Variants in CLOCK observed in about 807,000 individuals in gnomAD.
The protein encoded by CLOCK is circadian locomoter output cycles protein kaput.
CLOCK carries 43 observed loss-of-function variants against 118.4 expected under a neutral mutation model. That is an observed-to-expected ratio of 0.36 (90% CI 0.28 to 0.47). The LOEUF (loss-of-function observed/expected upper bound fraction) is 0.47, where lower values mean the gene tolerates loss of function less well. CLOCK is among the 20% of genes least tolerant of loss of function. CLOCK has a pLI of 1.00. For synonymous variants in CLOCK, 326 were observed against 339.2 expected (o/e 0.96, Z 0.43); for missense variants, 846 against 999.9 (o/e 0.85, Z 2.08).
At chr4:55,472,458 G>A (rs1012669685) in intron 7 of CLOCK, among the ~76,000 whole-genome samples, 2 of 152,178 alleles carry the variant, frequency 1.3e-5, no homozygotes, top group Non-Finnish European at 2.9e-5. Context: ...AGAAGAAGTA[G>A]AAGATACACA....
intron 9 of CLOCK, among the ~76,000 whole-genome samples, chr4:55,461,205 G>A (rs1007228741): frequency 6.6e-6 from 1 of 152,164 alleles, no homozygotes; most frequent in African/African-American, 2.4e-5. Flanking sequence ...TGAGATTATA[G>A]GCGTGAACAA....
chr4:55,538,250 A>G (rs1053361797), intron 1 of CLOCK, among the ~76,000 whole-genome samples: 2 of 151,970 alleles, frequency 1.3e-5, no homozygotes, highest in African/African-American at 4.9e-5. Flanking sequence ...AGGCATGTGA[A>G]GAGACGGAAC....
chr4:55,487,967 A>C (rs1727406518), intron 3 of CLOCK, among the ~76,000 whole-genome samples: 1 of 152,188 alleles, frequency 6.6e-6, no homozygotes, highest in Non-Finnish European at 1.5e-5. Context: ...AAGAGAAAAT[A>C]AAATTTAATT....
intron 2 of CLOCK, among the ~76,000 whole-genome samples, chr4:55,497,188 A>C (rs948281116): frequency 1.8e-4 from 28 of 152,092 alleles, no homozygotes; most frequent in Non-Finnish European, 3.2e-4. Flanking sequence ...CTAGCAGAGA[A>C]TGTTTCCTTG....
intron 2 of CLOCK, among the ~76,000 whole-genome samples, chr4:55,494,468 C>G (rs912207547): frequency 2.6e-5 from 4 of 151,996 alleles, no homozygotes; most frequent in Admixed American, 6.6e-5. Context: ...GAGGAAAGGA[C>G]CTTTCCTAGC....
intron 22 of CLOCK, among the ~76,000 whole-genome samples, chr4:55,436,846 G>C (rs1399097984): frequency 6.8e-6 from 1 of 147,784 alleles, no homozygotes; most frequent in Non-Finnish European, 1.5e-5. Flanking sequence ...TTTATGAGGG[G>C]TATTGCCTAT....
Position 55,431,095 on chromosome 4 carries a change from ATT to A in CLOCK, c.*4318_*4319del, listed in dbSNP as rs1169636311. ...AGAATAAACTTTATCAAAATGAGTAATTGCAATAAAGTGCTTGTTACATTTCA... is the reference window on the plus strand; with the variant it reads ...AGAATAAACTTTATCAAAATGAGTAAGCAATAAAGTGCTTGTTACATTTCA... On this transcript the variant is annotated 3_prime_UTR_variant, in exon 23 of 23. Transcript: ENST00000513440. 1 of 152,212 alleles carries A rather than the reference ATT, an allele frequency of 6.6e-6. No homozygotes were observed. The highest frequency in any genetic ancestry group is 1.9e-4 in the East Asian group (1 of 5,198). 9.4% of individuals were successfully genotyped at this position (152,212 alleles called of 1,614,324 possible).
chr4:55,479,675 C>A lies in CLOCK; in HGVS notation c.72G>T (p.Gly24=), dbSNP rs1439749119. ...VDRDDSSIFD[G]LVEEDDKDKA... Reference sequence around the variant, plus strand: ...TGTCCTTGTCATCTTCTTCCACCAACCCATCAAAAATACTACTGTCATCTC... The same window carrying A: ...TGTCCTTGTCATCTTCTTCCACCAAACCATCAAAAATACTACTGTCATCTC... The change falls in exon 5 of 23, where the codon GGG becomes GGT. Residue 24 remains glycine, a synonymous_variant. Transcript: ENST00000513440. 3 of 1,612,836 alleles carry A rather than the reference C, an allele frequency of 1.9e-6. No homozygotes were observed. Among genetic ancestry groups the A allele is most frequent in the Non-Finnish European group, 2.5e-6 (3 of 1,179,216 alleles).
intron 2 of CLOCK, among the ~76,000 whole-genome samples, chr4:55,503,978 T>TAAAAAAAAA (rs60471915): frequency 2.8e-5 from 2 of 71,130 alleles, no homozygotes; most frequent in Non-Finnish European, 5.1e-5. Context: ...CAAAAAGAGG[T>TAAAAAAAAA]AAAAAAAAAA....
chr4:55,534,369 TA>T (rs1233903715), intron 1 of CLOCK, among the ~76,000 whole-genome samples: 3 of 151,980 alleles, frequency 2.0e-5, no homozygotes, highest in African/African-American at 7.2e-5. Flanking sequence ...GCTACAGCAA[TA>T]AACCTAATGA....
At chr4:55,479,496 C>G (rs545352683) in intron 5 of CLOCK, 144 bp downstream of exon 5, 2 of 665,574 alleles carry the variant, frequency 3.0e-6, no homozygotes, top group South Asian at 3.9e-5. Context: ...AACTACATAC[C>G]AATATTCTAA....
chr4:55,494,581 A>AG (rs1199746717), intron 2 of CLOCK, among the ~76,000 whole-genome samples: 1 of 151,970 alleles, frequency 6.6e-6, no homozygotes, highest in South Asian at 2.1e-4. Context: ...GAAGGATAGG[A>AG]GGGGGGATGA....
At chr4:55,487,916 C>G (rs963398548) in intron 3 of CLOCK, among the ~76,000 whole-genome samples, 2 of 152,096 alleles carry the variant, frequency 1.3e-5, no homozygotes, top group African/African-American at 4.8e-5. Context: ...CCTGTTATGT[C>G]TTTCGTAAAA....
At chr4:55,481,439 C>A (rs1726932261) in intron 4 of CLOCK, among the ~76,000 whole-genome samples, 2 of 151,986 alleles carry the variant, frequency 1.3e-5, no homozygotes, top group Non-Finnish European at 2.9e-5. Flanking sequence ...AGCATAATGC[C>A]AAATTCATAT....
At chr4:55,455,787 T>C (rs1420381881) in intron 13 of CLOCK, 110 bp downstream of exon 13, 3 of 837,166 alleles carry the variant, frequency 3.6e-6, no homozygotes, top group Non-Finnish European at 6.1e-6. Context: ...TTAGCATATT[T>C]CAAAAATATG....
At chr4:55,440,445 A>C (rs1355126185) in intron 21 of CLOCK, among the ~76,000 whole-genome samples, 3 of 152,212 alleles carry the variant, frequency 2.0e-5, no homozygotes. Flanking sequence ...AACATTGGTC[A>C]TTACAGTGAG....
intron 4 of CLOCK, among the ~76,000 whole-genome samples, chr4:55,481,329 C>T (rs1726922712): frequency 6.6e-6 from 1 of 152,040 alleles, no homozygotes; most frequent in Admixed American, 6.5e-5. Context: ...TTCATAACTT[C>T]CATGACATTC....
chr4:55,531,667 T>C (rs1730551875), intron 1 of CLOCK, among the ~76,000 whole-genome samples: 1 of 120,862 alleles, frequency 8.3e-6, no homozygotes, highest in Non-Finnish European at 1.6e-5. Context: ...ATCACGCCAC[T>C]GTATTCCAGC....
At chr4:55,436,389 T>C (rs1722878209) in intron 22 of CLOCK, among the ~76,000 whole-genome samples, 1 of 152,196 alleles carries the variant, frequency 6.6e-6, no homozygotes, top group Admixed American at 6.5e-5. Flanking sequence ...AAGACTCAAA[T>C]AGATGAGCCT....
Sources: gnomAD v4.1 joint callset for allele counts (sites outside exome capture counted in the v4.1 genomes callset) on GRCh38, gnomAD v4.1.1 for gene constraint, MANE v1.5 for transcripts, NCBI Gene and HGNC (gene_info 2026-07-23, HGNC 2026-07-21) for gene names.